The following PDE1A variants were observed in gnomAD, a reference collection of about 807,000 sequenced individuals.
PDE1A encodes phosphodiesterase 1A.
PDE1A carries 35 observed loss-of-function variants against 61.7 expected under a neutral mutation model. The ratio of observed to expected loss-of-function variants is 0.57; its 90% CI spans 0.43 to 0.75. The LOEUF is 0.75. Ranked by LOEUF, PDE1A falls within the 30% of genes least tolerant of loss-of-function variation. The pLI is 0.00. For synonymous variants in PDE1A, 232 were observed against 213.2 expected (o/e 1.09, Z -0.77); for missense variants, 597 against 630.6 (o/e 0.95, Z 0.57).
the PDE1A span, among the ~76,000 whole-genome samples, chr2:182,560,441 A>T: frequency 1.5e-4 from 22 of 150,926 alleles, 1 homozygote; most frequent in South Asian, 1.9e-3. Context: ...TATGTGCCAC[A>T]TTTTCTTAAT....
chr2:182,537,721 G>A, the PDE1A span, among the ~76,000 whole-genome samples: 2 of 152,068 alleles, frequency 1.3e-5, no homozygotes, highest in East Asian at 3.9e-4. Flanking sequence ...TTCAAGCAGA[G>A]GGAGCAGCAA....
At chr2:182,676,107 T>C in the PDE1A span, among the ~76,000 whole-genome samples, 1 of 152,066 alleles carries the variant, frequency 6.6e-6, no homozygotes, top group African/African-American at 2.4e-5. Flanking sequence ...AAGTCTTTAA[T>C]TCAGACCAAA....
At chr2:182,456,691 A>T (rs1685942685) in intron 2 of PDE1A, among the ~76,000 whole-genome samples, 1 of 152,056 alleles carries the variant, frequency 6.6e-6, no homozygotes, top group African/African-American at 2.4e-5. Flanking sequence ...CAACTGAGTA[A>T]CTCTGGGAAA....
chr2:182,587,852 G>A, the PDE1A span, among the ~76,000 whole-genome samples: 2 of 152,104 alleles, frequency 1.3e-5, no homozygotes, highest in East Asian at 1.9e-4. Context: ...CACTAAATAT[G>A]CAGCCAATGT....
chr2:182,345,361 C>T (rs1361348168), intron 1 of PDE1A, among the ~76,000 whole-genome samples: 1 of 152,136 alleles, frequency 6.6e-6, no homozygotes, highest in Non-Finnish European at 1.5e-5. Flanking sequence ...CATAGAAATC[C>T]AGGACTTAGG....
chr2:182,605,170 C>T, the PDE1A span, among the ~76,000 whole-genome samples: 1 of 152,150 alleles, frequency 6.6e-6, no homozygotes, highest in African/African-American at 2.4e-5. Flanking sequence ...CTGCCCTGGT[C>T]CAATTAGACC....
intron 2 of PDE1A, among the ~76,000 whole-genome samples, chr2:182,477,982 G>A (rs1687478847): frequency 1.3e-5 from 2 of 151,830 alleles, no homozygotes; most frequent in Non-Finnish European, 2.9e-5. Flanking sequence ...CATGGAGCCT[G>A]ACTCACATTC....
At position 182,235,230 on chromosome 2, in the gene PDE1A, G is replaced by A. The variant is rs575930278; in HGVS notation, c.351-732C>T. On this transcript the variant is annotated intron_variant, in intron 3 of 13. Transcript: ENST00000351439. ...GTGATCTGTGCTCAATGCAAGCTCC[G>A]CCTCCCGGGTTCAAGTGATTCTCCT... 2.6e-3 allele frequency among the ~76,000 whole-genome samples: 397 copies of A among 152,208 alleles called. 1 individual carries two copies. The highest frequency in any genetic ancestry group is 9.3e-3 in the African/African-American group (385 of 41,528).
At chr2:182,694,620 T>G in the PDE1A span, among the ~76,000 whole-genome samples, 39 of 152,198 alleles carry the variant, frequency 2.6e-4, no homozygotes, top group African/African-American at 9.2e-4. Context: ...AGAACACATC[T>G]GTGTTAGAAC....
the PDE1A span, among the ~76,000 whole-genome samples, chr2:182,620,117 G>A: frequency 1.3e-5 from 2 of 151,910 alleles, no homozygotes; most frequent in African/African-American, 4.8e-5. Context: ...GATTTTTGGT[G>A]GAAATTAAGC....
rs138842155 is a variant in PDE1A, at chr2:182,353,505, T to C, written c.53+73073A>G. On this transcript the variant is annotated intron_variant, in intron 1 of 13. Coordinates refer to ENST00000351439, the Ensembl canonical transcript of PDE1A. ...TGATGTTTTGTTATAGCATTATCTG[T>C]GGAAAACAGATAGAAAAATAAGGTA... 4.6e-3 allele frequency among the ~76,000 whole-genome samples: 705 copies of C among 152,240 alleles called. 5 individuals are homozygous for C. The highest frequency in any genetic ancestry group is 0.029 in the South Asian group (141 of 4,828).
At chr2:182,173,624 C>A (rs1339785913) in intron 13 of PDE1A, among the ~76,000 whole-genome samples, 1 of 151,686 alleles carries the variant, frequency 6.6e-6, no homozygotes, top group Non-Finnish European at 1.5e-5. Flanking sequence ...ATTTAAACTT[C>A]TAATTACATT....
chr2:182,702,647 T>A, the PDE1A span, among the ~76,000 whole-genome samples: 1 of 152,182 alleles, frequency 6.6e-6, no homozygotes, highest in Non-Finnish European at 1.5e-5. Flanking sequence ...AAAAAGGTAT[T>A]TTGCATAGAA....
the PDE1A span, among the ~76,000 whole-genome samples, chr2:182,683,179 G>A: frequency 6.8e-6 from 1 of 147,900 alleles, no homozygotes; most frequent in Non-Finnish European, 1.5e-5. Flanking sequence ...TGCAACCTCC[G>A]CCCCCCAGGT....
the PDE1A span, among the ~76,000 whole-genome samples, chr2:182,603,791 C>T: frequency 6.6e-6 from 1 of 152,062 alleles, no homozygotes; most frequent in African/African-American, 2.4e-5. Context: ...CTCAGGTCAA[C>T]AAGAAACATT....
chr2:182,427,366 G>A (rs1466608789), upstream of PDE1A, among the ~76,000 whole-genome samples: 4 of 152,110 alleles, frequency 2.6e-5, no homozygotes, highest in Non-Finnish European at 4.4e-5. Flanking sequence ...AAGCCCATGC[G>A]AAGCTGACCA....
At position 182,501,322 on chromosome 2, in the gene PDE1A, A is replaced by C. The variant is rs1244482037; in HGVS notation, c.101+20954T>G. 2.0e-5 allele frequency among the ~76,000 whole-genome samples: 3 copies of C among 152,228 alleles called. No individual in the cohort carries two copies. The East Asian group carries it at 5.8e-4, about 29-fold the overall frequency. ...CACAAAGAATAAAGCTCAGTCACTA[A>C]AGCAAGGTGAAGGAAAAACCCTGTT... On this transcript the variant is annotated intron_variant, in intron 2 of 14. Transcript: ENST00000410103.
chr2:182,707,654 A>G, the PDE1A span, among the ~76,000 whole-genome samples: 1 of 152,214 alleles, frequency 6.6e-6, no homozygotes, highest in African/African-American at 2.4e-5. Flanking sequence ...TCATATAAAA[A>G]CCTTCCCAGG....
chr2:182,341,751 A>T (rs890431971), intron 1 of PDE1A, among the ~76,000 whole-genome samples: 3 of 152,148 alleles, frequency 2.0e-5, no homozygotes, highest in Non-Finnish European at 4.4e-5. Flanking sequence ...CAAATTTGGT[A>T]AAATTTCTTT....
Sources: allele counts gnomAD v4.1 joint callset (sites outside exome capture counted in the v4.1 genomes callset), GRCh38; gene constraint gnomAD v4.1.1; transcripts MANE v1.5; gene names NCBI Gene and HGNC (gene_info 2026-07-23, HGNC 2026-07-21).